Variants in CTDSPL2 observed in about 807,000 individuals in gnomAD.
The protein encoded by CTDSPL2 is CTD small phosphatase like 2.
In CTDSPL2, 5 loss-of-function variants were observed where a neutral mutation model predicts 60.0. That is an observed-to-expected ratio of 0.08 (90% CI 0.04 to 0.18). The LOEUF (loss-of-function observed/expected upper bound fraction) is 0.18, where lower values mean the gene tolerates loss of function less well. Ranked by LOEUF, CTDSPL2 falls within the 10% of genes least tolerant of loss-of-function variation. The pLI is 1.00. For missense variants in CTDSPL2, 370 were observed against 548.8 expected (o/e 0.67, Z 3.26); for synonymous variants, 186 against 189.3 (o/e 0.98, Z 0.14).
intron 2 of CTDSPL2, among the ~76,000 whole-genome samples, chr15:44,463,218 T>C (rs1179003216): frequency 6.6e-6 from 1 of 152,240 alleles, no homozygotes; most frequent in Non-Finnish European, 1.5e-5. Flanking sequence ...GTCAGCTCAC[T>C]GCAACCTCCG....
chr15:44,491,551 G>C lies in CTDSPL2; in HGVS notation c.691+552G>C, dbSNP rs370468296. Among the ~76,000 whole-genome samples, 19 of 152,264 alleles carry C rather than the reference G, an allele frequency of 1.2e-4. No homozygotes were observed. In the East Asian group the frequency reaches 3.3e-3, roughly 26 times the overall value. Reference sequence around the variant, plus strand: ...ATGGATCAGGAATTTCATTACCTCTGAGTACTGTGGTGGATAGACAGGGTA... The same window carrying C: ...ATGGATCAGGAATTTCATTACCTCTCAGTACTGTGGTGGATAGACAGGGTA... On this transcript the variant is annotated intron_variant, in intron 5 of 12. Coordinates refer to ENST00000260327, the MANE Select transcript of CTDSPL2 (RefSeq NM_016396.3).
chr15:44,519,374 GAGA>G lies in CTDSPL2; in HGVS notation c.1239+89_1239+91del, dbSNP rs772319787. 8.4e-5 allele frequency: 98 copies of G among 1,162,574 alleles called. 1 individual carries two copies. The highest frequency in any genetic ancestry group is 4.2e-4 in the Middle Eastern group (2 of 4,758). 72.0% of individuals were successfully genotyped at this position (1,162,574 alleles called of 1,614,324 possible). A position where few individuals can be genotyped will look rare whatever the true frequency, so the allele number is the denominator to read the frequency against. On this transcript the variant is annotated intron_variant, in intron 11 of 12. Transcript: ENST00000260327. ...CATGCTGCCAAACAGAATATGATGG[GAGA>G]AGAAGAAGAGAATTTTCACTGGTGG...
intron 4 of CTDSPL2, among the ~76,000 whole-genome samples, chr15:44,488,996 A>G (rs1891957753): frequency 1.3e-5 from 2 of 152,112 alleles, no homozygotes; most frequent in African/African-American, 4.8e-5. Flanking sequence ...TGGTGTCATT[A>G]ATGATAGTTC....
intron 1 of CTDSPL2, among the ~76,000 whole-genome samples, chr15:44,451,429 G>A (rs1486156205): frequency 6.6e-6 from 1 of 152,006 alleles, no homozygotes; most frequent in Non-Finnish European, 1.5e-5. Context: ...AAAATGATGT[G>A]TATTTTATAA....
At chr15:44,514,536 TA>T (rs2081618020) in intron 8 of CTDSPL2, 61 bp from the exon 9 acceptor site, 3 of 999,900 alleles carry the variant, frequency 3.0e-6, no homozygotes, top group Middle Eastern at 4.2e-4. Context: ...CAGCACATCT[TA>T]AAAAGAAGTG....
chr15:44,499,635 G>C (rs890281335), intron 7 of CTDSPL2, 92 bp from the exon 8 acceptor site: 8 of 712,180 alleles, frequency 1.1e-5, no homozygotes, highest in African/African-American at 3.6e-5. Flanking sequence ...ATATGAATGG[G>C]TGCTTTAGTG....
intron 4 of CTDSPL2, among the ~76,000 whole-genome samples, chr15:44,487,462 T>A (rs2081140935): frequency 6.6e-6 from 1 of 151,246 alleles, no homozygotes; most frequent in Admixed American, 6.6e-5. Flanking sequence ...AAGTAGGGGG[T>A]CCACGTAAAA....
At chr15:44,448,450 G>T (rs9672237) in intron 1 of CTDSPL2, 166 of 245,602 alleles carry the variant, frequency 6.8e-4, no homozygotes, top group African/African-American at 3.6e-3. Flanking sequence ...GGCACCCCCA[G>T]TGTAGTCAGC....
chr15:44,525,334 A>G lies in CTDSPL2; in HGVS notation c.*1160A>G, dbSNP rs1016804241. On this transcript the variant is annotated 3_prime_UTR_variant, in exon 13 of 13. Transcript: ENST00000260327. ...AATATGCTCTCATAGTGGTTTTTCT[A>G]TGCTATATGAAAATAGTCTTCAAGC... 83 of 398,510 alleles carry G rather than the reference A, an allele frequency of 2.1e-4. 1 individual carries two copies. The highest frequency in any genetic ancestry group is 1.4e-3 in the African/African-American group (70 of 48,614). The allele number at this position is 398,510 out of a possible 1,614,324, so 24.7% of individuals were successfully genotyped here. A position where few individuals can be genotyped will look rare whatever the true frequency, so the allele number is the denominator to read the frequency against.
chr15:44,476,987 G>C (rs546126538), intron 2 of CTDSPL2, among the ~76,000 whole-genome samples: 1 of 152,286 alleles, frequency 6.6e-6, no homozygotes, highest in Admixed American at 6.5e-5. Flanking sequence ...ACTTTGGAAG[G>C]CTGTGGTGAA....
intron 1 of CTDSPL2, among the ~76,000 whole-genome samples, chr15:44,455,969 G>A (rs1399445990): frequency 4.9e-5 from 7 of 141,984 alleles, no homozygotes; most frequent in Admixed American, 1.5e-4. Flanking sequence ...TCCTGCCTCA[G>A]CCTCCCGAGT....
intron 5 of CTDSPL2, among the ~76,000 whole-genome samples, chr15:44,495,064 C>T (rs1351515515): frequency 6.6e-6 from 1 of 152,242 alleles, no homozygotes; most frequent in South Asian, 2.1e-4. Context: ...CTCTGCTTCC[C>T]GGGTTCAAGC....
chr15:44,479,095 T>C (rs1388785411), intron 2 of CTDSPL2, among the ~76,000 whole-genome samples: 4 of 150,706 alleles, frequency 2.7e-5, no homozygotes, highest in Admixed American at 1.3e-4. Flanking sequence ...AAAAAACAAG[T>C]TTTCTCCCTT....
Position 44,528,601 on chromosome 15 carries a change from C to G in CTDSPL2, c.*4427C>G, listed in dbSNP as rs1017071649. ...GAAGATTAAGGCTACTGCTCATTAT[C>G]ATTTTTGTCTTTCATATTTTTTAAG... On this transcript the variant is annotated 3_prime_UTR_variant, in exon 13 of 13. Transcript: ENST00000260327. 5 of 151,622 alleles carry G rather than the reference C, an allele frequency of 3.3e-5. No homozygotes were observed. The highest frequency in any genetic ancestry group is 1.2e-4 in the African/African-American group (5 of 41,264). The allele number at this position is 151,622 out of a possible 1,614,324, so 9.4% of individuals were successfully genotyped here. A position where few individuals can be genotyped will look rare whatever the true frequency, so the allele number is the denominator to read the frequency against.
At chr15:44,432,310 TTTATTATTATTA>T (rs5812274) in intron 1 of CTDSPL2, among the ~76,000 whole-genome samples, 10 of 147,990 alleles carry the variant, frequency 6.8e-5, no homozygotes, top group African/African-American at 1.0e-4. Flanking sequence ...ATATTATTAT[TTTATTATTATTA>T]TTATTATTAT....
intron 2 of CTDSPL2, among the ~76,000 whole-genome samples, chr15:44,467,529 A>G (rs535834633): frequency 2.1e-4 from 32 of 152,064 alleles, no homozygotes; most frequent in African/African-American, 7.7e-4. Context: ...GTTTTCTCAA[A>G]GGCTTTTTGG....
chr15:44,518,946 C>A, intron 10 of CTDSPL2: 1 of 300,086 alleles, frequency 3.3e-6, no homozygotes, highest in South Asian at 1.6e-4. Flanking sequence ...AACTCAAGTT[C>A]TTTAAGGCAT....
At chr15:44,433,473 C>T (rs1316409711) in intron 1 of CTDSPL2, among the ~76,000 whole-genome samples, 3 of 151,502 alleles carry the variant, frequency 2.0e-5, no homozygotes, top group Non-Finnish European at 4.4e-5. Context: ...CACACACACA[C>T]ACACACACAC....
chr15:44,475,801 AAT>A (rs1037853951), intron 2 of CTDSPL2, among the ~76,000 whole-genome samples: 30 of 152,326 alleles, frequency 2.0e-4, no homozygotes, highest in African/African-American at 6.3e-4. Flanking sequence ...TCACCATTTA[AAT>A]ATGTCTCATC....
Sources: allele counts gnomAD v4.1 joint callset (sites outside exome capture counted in the v4.1 genomes callset), GRCh38; gene constraint gnomAD v4.1.1; transcripts MANE v1.5; gene names NCBI Gene and HGNC (gene_info 2026-07-23, HGNC 2026-07-21).